Variants in ZNF383 observed in about 807,000 individuals in gnomAD.
ZNF383 encodes zinc finger protein 383.
A neutral mutation model predicts 44.2 loss-of-function variants in ZNF383; 32 were observed. The observed-to-expected ratio is 0.72, with a 90% CI of 0.55 to 0.97. ZNF383 has a LOEUF of 0.97. Among genes scored for constraint, ZNF383 ranks in the 50% least tolerant of loss-of-function variants. The pLI is 0.00. For missense variants in ZNF383, 487 were observed against 562.5 expected, an observed-to-expected ratio of 0.87 and a Z score of 1.36; for synonymous variants, 155 against 186.2, an observed-to-expected ratio of 0.83 and a Z score of 1.36.
intron 3 of ZNF383, 95 bp downstream of exon 3, chr19:37,230,557 A>G (rs927823157): frequency 1.5e-5 from 21 of 1,400,462 alleles, no homozygotes; most frequent in Middle Eastern, 1.8e-4. Context: ...ATTTCTGGCT[A>G]ACAGAGTTCC....
At chr19:37,232,950 A>G (rs997608688) in intron 3 of ZNF383, among the ~76,000 whole-genome samples, 3 of 152,018 alleles carry the variant, frequency 2.0e-5, no homozygotes, top group Non-Finnish European at 2.9e-5. Flanking sequence ...ATTGTATTAT[A>G]TTCTCTTATT....
In ZNF383 at chr19:37,227,110, C is replaced by CTTTTT. The variant is rs35250551; in HGVS notation, c.-46+2188_-46+2192dup. On this transcript the variant is annotated intron_variant, in intron 2 of 5. Coordinates refer to ENST00000684119, the MANE Select transcript of ZNF383 (RefSeq NM_001387601.1). ...GCATGAGCCACTGCACCCAGCCAGG[C>CTTTTT]TTTTTTTTTTTTTTTTTTTTTGAGA... Among the ~76,000 whole-genome samples the CTTTTT allele has an allele frequency of 3.7e-3, 341 of 92,004 alleles. 8 individuals carry two copies. Among genetic ancestry groups the CTTTTT allele is most frequent in the East Asian group, 5.3e-3 (17 of 3,194 alleles). 60.4% of individuals were successfully genotyped at this position (92,004 alleles called of 152,430 possible).
Position 37,248,405 on chromosome 19 carries a change from C to G in ZNF383, c.*4741C>G, listed in dbSNP as rs1041172265. On this transcript the variant is annotated 3_prime_UTR_variant, in exon 6 of 6. Transcript: ENST00000684119. The stretch of plus-strand genomic sequence containing the variant: ...TAAATTAGCAAATCAAATCTAGTAA[C>G]CCATTGAAAATAAATATTTGTCACA... 1 of 152,030 alleles carries G rather than the reference C, an allele frequency of 6.6e-6. No individual in the cohort carries two copies. Among genetic ancestry groups the G allele is most frequent in the Non-Finnish European group, 1.5e-5 (1 of 68,010 alleles). The allele number at this position is 152,030 out of a possible 1,614,324, so 9.4% of individuals were successfully genotyped here.
chr19:37,229,923 G>A (rs1011148714), intron 2 of ZNF383, among the ~76,000 whole-genome samples: 7 of 151,122 alleles, frequency 4.6e-5, no homozygotes, highest in African/African-American at 1.7e-4. Flanking sequence ...CTTTTTGAGG[G>A]TTGAGAAACA....
rs766346251 is a variant in ZNF383 at position 37,246,834 on chromosome 19, TATG to T, written c.*3175_*3177del. On this transcript the variant is annotated 3_prime_UTR_variant, in exon 6 of 6. Coordinates refer to ENST00000684119, the MANE Select transcript of ZNF383 (RefSeq NM_001387601.1). Reference sequence around the variant, plus strand: ...GGTTACCAATCTGAAACCCTGAAAATATGATGAGTAGTAGAAAGCACAGCTGTC... The same window carrying T: ...GGTTACCAATCTGAAACCCTGAAAATATGAGTAGTAGAAAGCACAGCTGTC... 1.3e-5 allele frequency: 2 copies of T among 151,678 alleles called. No individual in the cohort carries two copies. Among genetic ancestry groups the T allele is most frequent in the African/African-American group, 2.4e-5 (1 of 41,298 alleles). 9.4% of individuals were successfully genotyped at this position (151,678 alleles called of 1,614,324 possible).
Position 37,243,253 on chromosome 19 carries a change from G to T in ZNF383, c.1017G>T (p.Glu339Asp). The change falls in exon 6 of 6, where the codon GAG (glutamate) becomes GAT (aspartate). Residue 339 changes from glutamate (E) to aspartate (D), a missense_variant. Transcript: ENST00000684119. Reference protein sequence around the residue: ...QRIHTGEKPYECKECGKAFSS... With the variant: ...QRIHTGEKPYDCKECGKAFSS... ...TTCATACTGGTGAGAAACCCTATGA[G>T]TGCAAGGAATGTGGCAAAGCCTTTA... 1 of 1,613,542 alleles carries T rather than the reference G, an allele frequency of 6.2e-7. No individual in the cohort carries two copies. Among genetic ancestry groups the T allele is most frequent in the Non-Finnish European group, 8.5e-7 (1 of 1,179,918 alleles).
At chr19:37,221,312 G>A (rs578048083) in intron 1 of ZNF383, among the ~76,000 whole-genome samples, 53 of 152,248 alleles carry the variant, frequency 3.5e-4, no homozygotes, top group African/African-American at 1.2e-3. Context: ...GCCAGGCATG[G>A]TGACTCATGC....
intron 5 of ZNF383, among the ~76,000 whole-genome samples, chr19:37,238,492 G>A (rs562493405): frequency 1.3e-5 from 2 of 152,032 alleles, no homozygotes; most frequent in Non-Finnish European, 2.9e-5. Flanking sequence ...CTGATGAGGT[G>A]TTCTTTTAGT....
In ZNF383 at chr19:37,246,887, AT is replaced by A. The variant is rs1974392134; in HGVS notation, c.*3229del. The A allele has an allele frequency of 6.6e-6, 1 of 152,096 alleles. No individual in the cohort carries two copies. The highest frequency in any genetic ancestry group is 1.5e-5 in the Non-Finnish European group (1 of 68,010). The allele number at this position is 152,096 out of a possible 1,614,324, so 9.4% of individuals were successfully genotyped here. On this transcript the variant is annotated 3_prime_UTR_variant, in exon 6 of 6. Coordinates refer to ENST00000684119, the MANE Select transcript of ZNF383 (RefSeq NM_001387601.1). The stretch of plus-strand genomic sequence containing the variant: ...CAAAAAAGCAGGAAGAGATTATAAA[AT>A]TTTTTCTAATATTTCCCCCCAAAAT...
chr19:37,236,758 T>A (rs952615531), intron 5 of ZNF383, among the ~76,000 whole-genome samples: 3 of 151,688 alleles, frequency 2.0e-5, no homozygotes, highest in African/African-American at 7.3e-5. Flanking sequence ...TTAGTAGAGG[T>A]GGGGTTTCAC....
chr19:37,225,999 C>T (rs1391234286), intron 2 of ZNF383, among the ~76,000 whole-genome samples: 1 of 149,744 alleles, frequency 6.7e-6, no homozygotes, highest in African/African-American at 2.5e-5. Flanking sequence ...CGGGGTTTCA[C>T]CATGTTGCCC....
In ZNF383 at chr19:37,247,341, A is replaced by G. The variant is rs1490923955; in HGVS notation, c.*3677A>G. ...TAGTGATTCCAGAGGTGAAATAAGG[A>G]TGACAAATAAACAATATTGTATATG... On this transcript the variant is annotated 3_prime_UTR_variant, in exon 6 of 6. Transcript: ENST00000684119. 1.3e-5 allele frequency: 2 copies of G among 152,222 alleles called. No homozygotes were observed. The highest frequency in any genetic ancestry group is 4.8e-5 in the African/African-American group (2 of 41,454). The allele number at this position is 152,222 out of a possible 1,614,324, so 9.4% of individuals were successfully genotyped here.
rs368124835 is a variant in ZNF383, at chr19:37,234,464, G to C, written c.10-1085G>C. Among the ~76,000 whole-genome samples the C allele has an allele frequency of 2.7e-4, 41 of 152,080 alleles. No individual in the cohort carries two copies. In the South Asian group the frequency reaches 7.7e-3, roughly 28 times the overall value. On this transcript the variant is annotated intron_variant, in intron 3 of 5. Transcript: ENST00000684119. ...AGTGCAGTGGCGCGATCTCGGCTCA[G>C]TGCAAGCTCCGCCTCCCGGATTCAC...
intron 5 of ZNF383, 50 bp downstream of exon 5, chr19:37,236,124 A>C: frequency 6.8e-7 from 1 of 1,474,630 alleles, no homozygotes; most frequent in Non-Finnish European, 9.4e-7. Flanking sequence ...GTCAGAACTC[A>C]GCTGGTCAGG....
Position 37,235,686 on chromosome 19 carries a change from C to T in ZNF383, c.136+11C>T. 1.3e-6 allele frequency: 2 copies of T among 1,594,618 alleles called. No individual in the cohort carries two copies. The highest frequency in any genetic ancestry group is 2.3e-5 in the South Asian group (2 of 87,586). On this transcript the variant is annotated intron_variant, in intron 4 of 5. Coordinates refer to ENST00000684119, the MANE Select transcript of ZNF383 (RefSeq NM_001387601.1). Reference sequence around the variant, plus strand: ...ATCTGGTTTCAATGGGTAAGGGCATCTGTACCAGTGATTCCCAGTTCTCCT... The same window carrying T: ...ATCTGGTTTCAATGGGTAAGGGCATTTGTACCAGTGATTCCCAGTTCTCCT...
chr19:37,243,331 CTA>C lies in ZNF383; in HGVS notation c.1097_1098del (p.Tyr366Ter). 1 of 1,614,090 alleles carries C rather than the reference CTA, an allele frequency of 6.2e-7. No individual in the cohort carries two copies. The highest frequency in any genetic ancestry group is 8.5e-7 in the Non-Finnish European group (1 of 1,180,016). On this transcript the variant is annotated frameshift_variant, in exon 6 of 6. Transcript: ENST00000684119. LOFTEE classifies it high-confidence loss of function. ...HQRIHTGEKP[Y>X]DCKECGKAFT... ...AGAGAATTCACACTGGTGAGAAACC[CTA>C]TGATTGTAAGGAATGTGGAAAGGCT...
chr19:37,221,462 G>T (rs553590231), intron 1 of ZNF383, among the ~76,000 whole-genome samples: 42 of 152,046 alleles, frequency 2.8e-4, no homozygotes, highest in Non-Finnish European at 5.6e-4. Context: ...TGCTGCTATT[G>T]TCCCAGGTAT....
Position 37,229,979 on chromosome 19 carries a change from A to T in ZNF383, c.-45-430A>T, listed in dbSNP as rs186831371. Among the ~76,000 whole-genome samples, 4 of 151,784 alleles carry T rather than the reference A, an allele frequency of 2.6e-5. No homozygotes were observed. The East Asian group carries it at 7.8e-4, about 30-fold the overall frequency. On this transcript the variant is annotated intron_variant, in intron 2 of 5. Coordinates refer to ENST00000684119, the MANE Select transcript of ZNF383 (RefSeq NM_001387601.1). ...TCTTTGGTCTTTCTGATCTGAGTGCACTGTGTTCCTGGCCAAAGGGCACCA... is the reference window on the plus strand; with the variant it reads ...TCTTTGGTCTTTCTGATCTGAGTGCTCTGTGTTCCTGGCCAAAGGGCACCA...
At chr19:37,230,502 TAAA>T (rs56895666) in intron 3 of ZNF383, 40 bp downstream of exon 3, 102 of 1,480,126 alleles carry the variant, frequency 6.9e-5, no homozygotes, top group Admixed American at 1.8e-4. Flanking sequence ...ACATTTAGTT[TAAA>T]AAAAAAAAAA....
Sources: allele counts gnomAD v4.1 joint callset (sites outside exome capture counted in the v4.1 genomes callset), GRCh38; gene constraint gnomAD v4.1.1; transcripts MANE v1.5; gene names NCBI Gene and HGNC (gene_info 2026-07-23, HGNC 2026-07-21).